The following FOXN3 variants were observed in gnomAD, a reference collection of about 807,000 sequenced individuals.
FOXN3 encodes forkhead box protein N3.
Under a neutral mutation model 38.4 loss-of-function variants are expected in FOXN3, and 7 were observed. That is an observed-to-expected ratio of 0.18 (90% confidence interval 0.10 to 0.34). FOXN3 has a LOEUF of 0.34. Among genes scored for constraint, FOXN3 ranks in the 10% least tolerant of loss-of-function variants. The pLI, the probability that FOXN3 is intolerant of heterozygous loss-of-function variation, is 1.00. For synonymous variants in FOXN3, 230 were observed against 242.2 expected, an observed-to-expected ratio of 0.95 and a Z score of 0.47; for missense variants, 456 against 613.4, an observed-to-expected ratio of 0.74 and a Z score of 2.71.
intron 1 of FOXN3, among the ~76,000 whole-genome samples, chr14:89,615,648 A>G (rs1896481109): frequency 6.6e-6 from 1 of 152,218 alleles, no homozygotes; most frequent in Admixed American, 6.5e-5. Context: ...GTTTCCTGCC[A>G]ATGAACACAC....
intron 3 of FOXN3, among the ~76,000 whole-genome samples, chr14:89,287,528 C>A (rs1046460842): frequency 6.6e-6 from 1 of 152,068 alleles, no homozygotes; most frequent in Non-Finnish European, 1.5e-5. Context: ...ACATTGTGGC[C>A]ATTGTCAGGT....
intron 3 of FOXN3, 185 bp downstream of exon 3, chr14:89,350,487 A>G: frequency 8.9e-6 from 4 of 448,032 alleles, no homozygotes; most frequent in Non-Finnish European, 1.5e-5. Flanking sequence ...CTGACGCTGC[A>G]GCAGCGGTAA....
chr14:89,239,773 A>G (rs1885090035), intron 4 of FOXN3, among the ~76,000 whole-genome samples: 1 of 152,258 alleles, frequency 6.6e-6, no homozygotes, highest in South Asian at 2.1e-4. Flanking sequence ...ATTGAAAACC[A>G]ATCATGTGCT....
chr14:89,591,073 A>G (rs1320186554), intron 1 of FOXN3, among the ~76,000 whole-genome samples: 1 of 152,240 alleles, frequency 6.6e-6, no homozygotes, highest in East Asian at 1.9e-4. Context: ...ACATAAGGCT[A>G]TGATTAACTA....
intron 1 of FOXN3, among the ~76,000 whole-genome samples, chr14:89,459,901 G>A (rs192053367): frequency 2.0e-4 from 30 of 152,244 alleles, no homozygotes; most frequent in African/African-American, 6.7e-4. Flanking sequence ...ACATATGTGC[G>A]TGGGATGATA....
At chr14:89,366,354 C>T (rs2140050812) in intron 2 of FOXN3, among the ~76,000 whole-genome samples, 1 of 152,134 alleles carries the variant, frequency 6.6e-6, no homozygotes, top group South Asian at 2.1e-4. Flanking sequence ...ATGTGGTAAA[C>T]TTGTCTGGAA....
upstream of FOXN3, among the ~76,000 whole-genome samples, chr14:89,418,035 C>T (rs942430022): frequency 8.5e-5 from 13 of 152,250 alleles, no homozygotes; most frequent in Non-Finnish European, 2.9e-5. Flanking sequence ...AGCCACCACT[C>T]TAAGTCTCTA....
chr14:89,277,536 ACCC>A (rs1596148386), intron 4 of FOXN3, among the ~76,000 whole-genome samples: 2 of 152,094 alleles, frequency 1.3e-5, no homozygotes, highest in African/African-American at 4.8e-5. Flanking sequence ...ACCAAATCTT[ACCC>A]CATTATCCTC....
chr14:89,342,413 A>T (rs1255216219), intron 3 of FOXN3, among the ~76,000 whole-genome samples: 5 of 152,250 alleles, frequency 3.3e-5, no homozygotes, highest in Admixed American at 6.5e-5. Context: ...CAGCATACCG[A>T]AGGCAAAATG....
chr14:89,245,862 C>G (rs927299449), intron 4 of FOXN3, among the ~76,000 whole-genome samples: 2 of 152,270 alleles, frequency 1.3e-5, no homozygotes, highest in East Asian at 3.9e-4. Flanking sequence ...CCCCCCATCC[C>G]GCATCTGGCA....
chr14:89,158,257 G>C lies in FOXN3; in HGVS notation c.*4157C>G, dbSNP rs1440130670. The stretch of plus-strand genomic sequence containing the variant: ...AGCTGGGCACAGAAGGCCTCCACCT[G>C]GTTCTCACTCTACAGAGCCCACTGC... On this transcript the variant is annotated 3_prime_UTR_variant, in exon 6 of 6. Coordinates refer to ENST00000557258, the MANE Select transcript of FOXN3 (RefSeq NM_005197.4). 2 of 152,296 alleles carry C rather than the reference G, an allele frequency of 1.3e-5. No homozygotes were observed. The highest frequency in any genetic ancestry group is 3.8e-4 in the East Asian group (2 of 5,198). 9.4% of individuals were successfully genotyped at this position (152,296 alleles called of 1,614,324 possible).
At chr14:89,471,418 A>G (rs564765818) in intron 1 of FOXN3, among the ~76,000 whole-genome samples, 1 of 152,218 alleles carries the variant, frequency 6.6e-6, no homozygotes, top group South Asian at 2.1e-4. Flanking sequence ...CCTGGATAAC[A>G]TAACAAGACC....
intron 4 of FOXN3, among the ~76,000 whole-genome samples, chr14:89,187,087 G>A (rs143613289): frequency 6.0e-4 from 92 of 152,350 alleles, no homozygotes; most frequent in Non-Finnish European, 1.0e-3. Flanking sequence ...GCTGCCATCT[G>A]GTGACCTGGA....
At chr14:89,194,766 C>T (rs1236053618) in intron 4 of FOXN3, among the ~76,000 whole-genome samples, 1 of 150,808 alleles carries the variant, frequency 6.6e-6, no homozygotes, top group Non-Finnish European at 1.5e-5. Context: ...AATGCCTTCC[C>T]TATAAGCTTA....
intron 1 of FOXN3, among the ~76,000 whole-genome samples, chr14:89,489,287 T>G (rs1326351901): frequency 6.6e-6 from 1 of 152,204 alleles, no homozygotes; most frequent in East Asian, 1.9e-4. Context: ...GCTGTGAAAA[T>G]TATAAAGTGC....
chr14:89,481,395 G>A (rs1485384107), intron 1 of FOXN3, among the ~76,000 whole-genome samples: 3 of 152,142 alleles, frequency 2.0e-5, no homozygotes, highest in African/African-American at 4.8e-5. Context: ...GGAAAACGAC[G>A]TAGTGACTTC....
intron 1 of FOXN3, among the ~76,000 whole-genome samples, chr14:89,463,681 C>G (rs1351927844): frequency 2.0e-5 from 3 of 152,096 alleles, no homozygotes. Context: ...GAGCCTGGGA[C>G]ATGACATCAT....
chr14:89,461,805 A>G (rs1046127908), intron 1 of FOXN3, among the ~76,000 whole-genome samples: 6 of 152,124 alleles, frequency 3.9e-5, no homozygotes, highest in Admixed American at 3.9e-4. Context: ...CAGGGAGCAA[A>G]CTAGAAAAGG....
intron 1 of FOXN3, among the ~76,000 whole-genome samples, chr14:89,505,525 C>G (rs1402560695): frequency 6.6e-6 from 1 of 152,198 alleles, no homozygotes; most frequent in African/African-American, 2.4e-5. Context: ...GATCCGCCAG[C>G]CTCGGCCTCC....
Sources: gnomAD v4.1 joint callset for allele counts (sites outside exome capture counted in the v4.1 genomes callset) on GRCh38, gnomAD v4.1.1 for gene constraint, MANE v1.5 for transcripts, NCBI Gene and HGNC (gene_info 2026-07-23, HGNC 2026-07-21) for gene names.